Variants in GOLM2 observed in about 807,000 individuals in gnomAD.
GOLM2 encodes golgi membrane protein 2, also known as protein GOLM2.
Under a neutral mutation model 55.9 loss-of-function variants are expected in GOLM2, and 26 were observed. The observed-to-expected ratio is 0.47, with a 90% confidence interval of 0.34 to 0.65. The LOEUF is 0.65. Among genes scored for constraint, GOLM2 ranks in the 30% least tolerant of loss-of-function variants. The probability of loss-of-function intolerance (pLI) is 0.01; values close to 1 mark genes in which losing one functional copy is unlikely to be tolerated. For missense variants in GOLM2, 486 were observed against 531.8 expected, an observed-to-expected ratio of 0.91 and a Z score of 0.85; for synonymous variants, 165 against 194.6, an observed-to-expected ratio of 0.85 and a Z score of 1.27.
In GOLM2 at chr15:44,322,945, A is replaced by C; in HGVS notation, c.328-20A>C. 1 of 1,531,122 alleles carries C rather than the reference A, an allele frequency of 6.5e-7. No homozygotes were observed. The highest frequency in any genetic ancestry group is 8.8e-7 in the Non-Finnish European group (1 of 1,131,236). The allele number at this position is 1,531,122 out of a possible 1,614,324, so 94.8% of individuals were successfully genotyped here. On this transcript the variant is annotated intron_variant, in intron 1 of 9. Transcript: ENST00000299957. Reference sequence around the variant, plus strand: ...AAACTACATATTTTTTAGTAAAATGAGAACTTAATTTTTTTTCAGGTTAAA... The same window carrying C: ...AAACTACATATTTTTTAGTAAAATGCGAACTTAATTTTTTTTCAGGTTAAA...
intron 6 of GOLM2, among the ~76,000 whole-genome samples, chr15:44,348,288 G>A (rs537979468): frequency 6.6e-6 from 1 of 151,624 alleles, no homozygotes; most frequent in African/African-American, 2.4e-5. Flanking sequence ...GGTAGTTCTG[G>A]ACCTACACTA....
At chr15:44,294,728 A>ACAC (rs965996599) in intron 1 of GOLM2, among the ~76,000 whole-genome samples, 1 of 148,866 alleles carries the variant, frequency 6.7e-6, no homozygotes, top group South Asian at 2.1e-4. Flanking sequence ...AAAAAAAAAA[A>ACAC]CACCACCACC....
At chr15:44,355,726 C>T (rs918237987) in intron 6 of GOLM2, 2 of 164,446 alleles carry the variant, frequency 1.2e-5, no homozygotes, top group South Asian at 1.4e-4. Context: ...AGTGAGAGCA[C>T]GAGAGAAAAA....
chr15:44,359,515 G>C (rs568168706), intron 6 of GOLM2, among the ~76,000 whole-genome samples: 66 of 152,230 alleles, frequency 4.3e-4, no homozygotes, highest in Non-Finnish European at 7.1e-4. Flanking sequence ...TTGAACCCGG[G>C]AGGCAGAGCT....
chr15:44,400,518 T>C lies in GOLM2; in HGVS notation c.1073-2369T>C, dbSNP rs1748907325. Among the ~76,000 whole-genome samples the C allele has an allele frequency of 2.6e-5, 4 of 151,192 alleles. No individual in the cohort carries two copies. In the East Asian group the frequency reaches 7.8e-4, roughly 29 times the overall value. On this transcript the variant is annotated intron_variant, in intron 8 of 9. Transcript: ENST00000299957. ...TTTTAGTAGACACAGGGTTTCTCCA[T>C]GTTGGTCAGGCTGGTCTTGAACTCC... is the stretch of plus-strand genomic sequence containing the variant.
chr15:44,335,757 T>C (rs77429402), intron 4 of GOLM2, among the ~76,000 whole-genome samples: 7,100 of 151,988 alleles, frequency 0.047, 273 homozygotes, highest in East Asian at 0.19. Context: ...AGAAAGACTG[T>C]GGTTAGAATT....
At chr15:44,410,855 ATTGTGCCACTGTAC>A (rs2079633239) in intron 9 of GOLM2, among the ~76,000 whole-genome samples, 1 of 141,460 alleles carries the variant, frequency 7.1e-6, no homozygotes, top group African/African-American at 2.6e-5. Flanking sequence ...GTGAGCCGAG[ATTGTGCCACTGTAC>A]TCCAACCTGA....
rs1003735935 is a variant in GOLM2, at chr15:44,391,100, T to A, written c.1072+10124T>A. Among the ~76,000 whole-genome samples, 4 of 152,136 alleles carry A rather than the reference T, an allele frequency of 2.6e-5. No homozygotes were observed. The East Asian group carries it at 5.8e-4, about 22-fold the overall frequency. On this transcript the variant is annotated intron_variant, in intron 8 of 9. Coordinates refer to ENST00000299957, the MANE Select transcript of GOLM2 (RefSeq NM_138423.4). Reference sequence around the variant, plus strand: ...AAATAAGTTGAATAGGTATCAAAAGTTCCCCCCTTCCCTCAAAAGAGACTG... The same window carrying A: ...AAATAAGTTGAATAGGTATCAAAAGATCCCCCCTTCCCTCAAAAGAGACTG...
At chr15:44,315,333 T>C (rs1256425638) in intron 1 of GOLM2, among the ~76,000 whole-genome samples, 1 of 152,202 alleles carries the variant, frequency 6.6e-6, no homozygotes, top group Non-Finnish European at 1.5e-5. Context: ...GTCATAGTTG[T>C]GCTGATTGCC....
At chr15:44,363,991 A>G (rs868106421) in intron 6 of GOLM2, among the ~76,000 whole-genome samples, 2 of 151,934 alleles carry the variant, frequency 1.3e-5, no homozygotes, top group East Asian at 3.9e-4. Context: ...GGAATTGAAC[A>G]ATGAGAACAC....
chr15:44,359,686 C>G (rs1450096322), intron 6 of GOLM2, among the ~76,000 whole-genome samples: 1 of 152,180 alleles, frequency 6.6e-6, no homozygotes, highest in African/African-American at 2.4e-5. Flanking sequence ...CATTCAGATT[C>G]AGGAAATACA....
intron 6 of GOLM2, among the ~76,000 whole-genome samples, chr15:44,345,306 T>A (rs1173675698): frequency 1.3e-5 from 2 of 150,376 alleles, no homozygotes; most frequent in South Asian, 2.1e-4. Context: ...AGAGTCTCGC[T>A]GTGTCGCCCA....
rs578135963 is a variant in GOLM2 at position 44,376,867 on chromosome 15, A to G, written c.803-2823A>G. ...GGAAGCCCTCTAACTATTCTATCCT[A>G]GGTATAAATAAATACCTTTCTCCTT... On this transcript the variant is annotated intron_variant, in intron 6 of 9. Transcript: ENST00000299957. Among the ~76,000 whole-genome samples the G allele has an allele frequency of 4.5e-3, 678 of 152,308 alleles. 4 individuals are homozygous for G. The highest frequency in any genetic ancestry group is 0.016 in the African/African-American group (645 of 41,560).
chr15:44,333,380 A>G (rs1326667675), intron 4 of GOLM2, among the ~76,000 whole-genome samples: 1 of 152,138 alleles, frequency 6.6e-6, no homozygotes, highest in Non-Finnish European at 1.5e-5. Context: ...AGTTAAGGAT[A>G]TCAGGTTTTC....
intron 6 of GOLM2, among the ~76,000 whole-genome samples, chr15:44,347,357 C>G (rs2079132407): frequency 1.3e-5 from 2 of 152,050 alleles, no homozygotes; most frequent in Admixed American, 1.3e-4. Flanking sequence ...AAGACACCAC[C>G]CCCCAACCCC....
chr15:44,381,579 G>T (rs2079403604), intron 8 of GOLM2, among the ~76,000 whole-genome samples: 1 of 152,092 alleles, frequency 6.6e-6, no homozygotes, highest in African/African-American at 2.4e-5. Flanking sequence ...CTTCAATTCT[G>T]AATAGACAGA....
chr15:44,323,766 A>T (rs1272624818), intron 2 of GOLM2, among the ~76,000 whole-genome samples: 1 of 152,108 alleles, frequency 6.6e-6, no homozygotes, highest in Non-Finnish European at 1.5e-5. Context: ...AATATCCTTT[A>T]TTCTATTATC....
chr15:44,383,377 A>G (rs1567040732), intron 8 of GOLM2, among the ~76,000 whole-genome samples: 1 of 152,084 alleles, frequency 6.6e-6, no homozygotes, highest in Non-Finnish European at 1.5e-5. Context: ...CACTTGTTAA[A>G]TAGTGTCAGA....
intron 6 of GOLM2, among the ~76,000 whole-genome samples, chr15:44,368,702 C>T (rs1282294874): frequency 6.6e-6 from 1 of 151,668 alleles, no homozygotes; most frequent in East Asian, 1.9e-4. Context: ...TATATACGCA[C>T]ACACATATAT....
Sources: gnomAD v4.1 joint callset for allele counts (sites outside exome capture counted in the v4.1 genomes callset) on GRCh38, gnomAD v4.1.1 for gene constraint, MANE v1.5 for transcripts, NCBI Gene and HGNC (gene_info 2026-07-23, HGNC 2026-07-21) for gene names.